Variants in USP34 observed in about 807,000 individuals in gnomAD.
USP34 encodes ubiquitin specific peptidase 34.
Under a neutral mutation model 460.3 loss-of-function variants are expected in USP34, and 70 were observed. That is an observed-to-expected ratio of 0.15 (90% confidence interval 0.13 to 0.19). The LOEUF (loss-of-function observed/expected upper bound fraction) is 0.19, where lower values mean the gene tolerates loss of function less well. Ranked by LOEUF, USP34 falls within the 10% of genes least tolerant of loss-of-function variation. The probability of loss-of-function intolerance (pLI) is 1.00; values close to 1 mark genes in which losing one functional copy is unlikely to be tolerated. For synonymous variants in USP34, 1,647 were observed against 1,405.3 expected (o/e 1.17, Z -3.85); for missense variants, 3,985 against 4,236.2 (o/e 0.94, Z 1.65).
At chr2:61,296,572 A>G (rs934349389) in intron 30 of USP34, among the ~76,000 whole-genome samples, 3 of 152,242 alleles carry the variant, frequency 2.0e-5, no homozygotes, top group Admixed American at 1.3e-4. Flanking sequence ...TAATTTTAGA[A>G]AACATCTTCA....
chr2:61,353,218 C>G (rs1311344376), intron 10 of USP34, among the ~76,000 whole-genome samples: 1 of 152,154 alleles, frequency 6.6e-6, no homozygotes, highest in Non-Finnish European at 1.5e-5. Flanking sequence ...CTAATTCTGA[C>G]TGGTGAGGTA....
At chr2:61,197,682 T>G (rs1425601981) in intron 75 of USP34, among the ~76,000 whole-genome samples, 1 of 152,176 alleles carries the variant, frequency 6.6e-6, no homozygotes, top group African/African-American at 2.4e-5. Context: ...ATTGTAACCT[T>G]GAACTCCTGG....
intron 2 of USP34, among the ~76,000 whole-genome samples, chr2:61,416,286 A>C (rs1047712965): frequency 5.3e-5 from 8 of 152,230 alleles, no homozygotes; most frequent in Admixed American, 5.2e-4. Flanking sequence ...CTATTCTAAA[A>C]AACAAAATTT....
chr2:61,191,279 T>G (rs1213579627), intron 76 of USP34: 2 of 152,310 alleles, frequency 1.3e-5, no homozygotes, highest in Admixed American at 1.3e-4. Context: ...TCATGGCTCT[T>G]AAACACAAGT....
chr2:61,352,743 A>G (rs762862974), intron 10 of USP34, among the ~76,000 whole-genome samples: 6 of 152,024 alleles, frequency 3.9e-5, no homozygotes, highest in African/African-American at 1.4e-4. Flanking sequence ...TACACAAAAA[A>G]TATTATTAAG....
chr2:61,231,287 T>A (rs916011202), intron 58 of USP34, among the ~76,000 whole-genome samples: 1 of 152,028 alleles, frequency 6.6e-6, no homozygotes. Flanking sequence ...TATAGGGTTT[T>A]TTTTTGGTGG....
chr2:61,317,598 T>G, intron 23 of USP34, 56 bp downstream of exon 23: 4 of 1,463,826 alleles, frequency 2.7e-6, no homozygotes, highest in Non-Finnish European at 3.8e-6. Flanking sequence ...GAAACCGAAT[T>G]TGATAATCTA....
At position 61,401,538 on chromosome 2, in the gene USP34, CTATTTT is replaced by C. The variant is rs1234052689; in HGVS notation, c.552+4164_552+4169del. Among the ~76,000 whole-genome samples, 17 of 118,730 alleles carry C rather than the reference CTATTTT, an allele frequency of 1.4e-4. 1 individual carries two copies. The South Asian group carries it at 1.9e-3, about 14-fold the overall frequency. 77.9% of individuals were successfully genotyped at this position (118,730 alleles called of 152,430 possible). On this transcript the variant is annotated intron_variant, in intron 3 of 79. Transcript: ENST00000398571. ...CAGGTGTGAGCCACTGTACCTGGCC[CTATTTT>C]TTTTTTTTTTTTTTTTTTTTTTGAG...
chr2:61,399,364 A>G (rs955326275), intron 3 of USP34, among the ~76,000 whole-genome samples: 9 of 151,294 alleles, frequency 5.9e-5, no homozygotes, highest in Non-Finnish European at 1.2e-4. Context: ...AAAAAAATTG[A>G]GTTCTATCCT....
chr2:61,374,159 GAAAA>G (rs76561805), intron 8 of USP34, among the ~76,000 whole-genome samples: 1 of 117,702 alleles, frequency 8.5e-6, no homozygotes, highest in Non-Finnish European at 1.8e-5. Flanking sequence ...CCATCTCAGG[GAAAA>G]AAAAAAAAAA....
At chr2:61,281,379 A>C (rs1441251717) in intron 37 of USP34, 137 bp from the exon 38 acceptor site, 1 of 1,107,682 alleles carries the variant, frequency 9.0e-7, no homozygotes, top group Non-Finnish European at 1.2e-6. Flanking sequence ...TTGGAGGCCC[A>C]GGCAGGAGGA....
intron 62 of USP34, among the ~76,000 whole-genome samples, chr2:61,226,480 T>G (rs1687734185): frequency 6.6e-6 from 1 of 152,158 alleles, no homozygotes; most frequent in Non-Finnish European, 1.5e-5. Context: ...CTCTCTGTCA[T>G]CATAGCATTC....
In USP34 at chr2:61,432,298, A is replaced by G. The variant is rs142686702; in HGVS notation, c.44-11465T>C. ...AGACCAGCCTGGATAACATGGCAAA[A>G]CCCCATCTCTACAAAAAAAAGACAA... On this transcript the variant is annotated intron_variant, in intron 1 of 79. Coordinates refer to ENST00000398571, the MANE Select transcript of USP34 (RefSeq NM_014709.4). 1.9e-4 allele frequency among the ~76,000 whole-genome samples: 29 copies of G among 152,212 alleles called. No individual in the cohort carries two copies. In the East Asian group the frequency reaches 5.4e-3, roughly 28 times the overall value.
At chr2:61,377,114 T>C (rs887543729) in intron 8 of USP34, among the ~76,000 whole-genome samples, 1 of 152,138 alleles carries the variant, frequency 6.6e-6, no homozygotes, top group Non-Finnish European at 1.5e-5. Flanking sequence ...ACTCATATAG[T>C]GATAAATCCA....
intron 3 of USP34, among the ~76,000 whole-genome samples, chr2:61,404,788 A>G (rs936535205): frequency 1.5e-4 from 23 of 152,340 alleles, no homozygotes; most frequent in Admixed American, 1.2e-3. Context: ...AGTCATTAAT[A>G]TATTACCACA....
intron 15 of USP34, among the ~76,000 whole-genome samples, chr2:61,347,277 A>G (rs762998673): frequency 2.6e-5 from 4 of 152,240 alleles, no homozygotes; most frequent in African/African-American, 4.8e-5. Context: ...AAAAGGAAGG[A>G]AATACCTTAG....
chr2:61,331,446 A>G, intron 19 of USP34, 75 bp from the exon 20 acceptor site: 1 of 1,182,810 alleles, frequency 8.5e-7, no homozygotes, highest in Non-Finnish European at 1.1e-6. Flanking sequence ...GACAGTAAAT[A>G]TGCAAATCTA....
intron 13 of USP34, 128 bp downstream of exon 13, chr2:61,349,122 G>C (rs1164946924): frequency 9.3e-6 from 11 of 1,186,804 alleles, no homozygotes; most frequent in Non-Finnish European, 1.3e-5. Flanking sequence ...ATATGTTAAA[G>C]GTTTACATCT....
intron 67 of USP34, among the ~76,000 whole-genome samples, chr2:61,215,036 A>G (rs909164670): frequency 1.3e-5 from 2 of 152,236 alleles, no homozygotes; most frequent in African/African-American, 4.8e-5. Context: ...CAGCATTTGC[A>G]GTCAGAAGAC....
Sources: gnomAD v4.1 joint callset for allele counts (sites outside exome capture counted in the v4.1 genomes callset) on GRCh38, gnomAD v4.1.1 for gene constraint, MANE v1.5 for transcripts, NCBI Gene and HGNC (gene_info 2026-07-23, HGNC 2026-07-21) for gene names.